Variants in TRIM24 observed in about 807,000 individuals in gnomAD.
TRIM24 encodes the protein tripartite motif containing 24.
TRIM24 carries 29 observed loss-of-function variants against 123.9 expected under a neutral mutation model. The observed-to-expected ratio is 0.23, with a 90% CI of 0.17 to 0.32. The LOEUF (loss-of-function observed/expected upper bound fraction) is 0.32. Ranked by LOEUF, TRIM24 falls within the 10% of genes least tolerant of loss-of-function variation. The pLI, the probability that TRIM24 is intolerant of heterozygous loss-of-function variation, is 1.00. For synonymous variants in TRIM24, 456 were observed against 461.1 expected (o/e 0.99, Z 0.14); for missense variants, 932 against 1,295.3 (o/e 0.72, Z 4.31).
At chr7:138,481,286 G>T (rs777209170) in intron 1 of TRIM24, among the ~76,000 whole-genome samples, 2 of 151,616 alleles carry the variant, frequency 1.3e-5, no homozygotes, top group Non-Finnish European at 2.9e-5. Flanking sequence ...TGATCTTGTT[G>T]TGTTGTCCAG....
In TRIM24 at chr7:138,504,532, C is replaced by T. The variant is rs542729714; in HGVS notation, c.483+124C>T. On this transcript the variant is annotated intron_variant, in intron 2 of 18. Coordinates refer to ENST00000343526, the MANE Select transcript of TRIM24 (RefSeq NM_015905.3). The stretch of plus-strand genomic sequence containing the variant: ...AGGAGTTCACAAGTGGCGCAATCTC[C>T]GTTCACTGCAAGCTCCTCCCCACAG... 42 of 546,536 alleles carry T rather than the reference C, an allele frequency of 7.7e-5. 1 individual carries two copies. In the South Asian group the frequency reaches 1.4e-3, roughly 19 times the overall value. 33.9% of individuals were successfully genotyped at this position (546,536 alleles called of 1,614,324 possible).
intron 1 of TRIM24, among the ~76,000 whole-genome samples, chr7:138,481,656 A>G (rs547308251): frequency 2.6e-4 from 39 of 151,956 alleles, no homozygotes; most frequent in Middle Eastern, 3.4e-3. Context: ...AAACAAACAA[A>G]CAAAACGAGC....
intron 10 of TRIM24, among the ~76,000 whole-genome samples, chr7:138,569,661 C>T (rs1797613101): frequency 6.6e-6 from 1 of 152,150 alleles, no homozygotes; most frequent in Non-Finnish European, 1.5e-5. Flanking sequence ...GTAAAGAAGA[C>T]ATTCATGTCC....
chr7:138,557,252 C>T (rs144296691), intron 9 of TRIM24, among the ~76,000 whole-genome samples: 533 of 152,298 alleles, frequency 3.5e-3, no homozygotes, highest in African/African-American at 0.012. Flanking sequence ...CAGCTAAGTA[C>T]AGGAAAACTT....
chr7:138,468,350 T>G (rs2116450288), intron 1 of TRIM24, among the ~76,000 whole-genome samples: 1 of 152,318 alleles, frequency 6.6e-6, no homozygotes, highest in South Asian at 2.1e-4. Context: ...CCTCACTTGG[T>G]TTTGCTACAG....
chr7:138,580,613 A>C lies in TRIM24; in HGVS notation c.2637A>C (p.Glu879Asp). Reference sequence around the variant, plus strand: ...GAGACTTATCTAAACCAGAAGTTGAATATGATTGTGATGCTCCCAGTCACA... The same window carrying C: ...GAGACTTATCTAAACCAGAAGTTGACTATGATTGTGATGCTCCCAGTCACA... Reference protein sequence around the residue: ...FCRDLSKPEVEYDCDAPSHNS... With the variant: ...FCRDLSKPEVDYDCDAPSHNS... The change falls in exon 16 of 19, where the codon GAA (glutamate) becomes GAC (aspartate). Residue 879 changes from glutamate (E) to aspartate (D), a missense_variant. By Grantham distance (45) the Glu-to-Asp change is conservative. This residue lies in a region of TRIM24 where 45 missense variants were observed against 56.6 expected (regional missense o/e 0.80). Coordinates refer to ENST00000343526, the MANE Select transcript of TRIM24 (RefSeq NM_015905.3). 2 of 1,613,936 alleles carry C rather than the reference A, an allele frequency of 1.2e-6. No homozygotes were observed. Among genetic ancestry groups the C allele is most frequent in the Non-Finnish European group, 1.7e-6 (2 of 1,179,906 alleles).
intron 5 of TRIM24, among the ~76,000 whole-genome samples, chr7:138,527,182 G>A (rs1796628218): frequency 6.6e-6 from 1 of 151,988 alleles, no homozygotes; most frequent in Admixed American, 6.6e-5. Context: ...CTCATTGCTA[G>A]TACTTCACTT....
At chr7:138,508,692 T>TGCGTGTGCGCGCGCGC (rs1796208058) in intron 2 of TRIM24, among the ~76,000 whole-genome samples, 2 of 137,214 alleles carry the variant, frequency 1.5e-5, no homozygotes, top group Non-Finnish European at 3.1e-5. Flanking sequence ...TGTGTGTGTG[T>TGCGTGTGCGCGCGCGC]GCGCGCGCGT....
At chr7:138,530,231 A>AC (rs1419818817) in intron 6 of TRIM24, among the ~76,000 whole-genome samples, 1 of 152,074 alleles carries the variant, frequency 6.6e-6, no homozygotes, top group African/African-American at 2.4e-5. Context: ...TGACTTTAAA[A>AC]AAAAAAAAAA....
intron 1 of TRIM24, among the ~76,000 whole-genome samples, chr7:138,480,086 TG>T (rs1795494981): frequency 6.6e-6 from 1 of 152,066 alleles, no homozygotes; most frequent in Admixed American, 6.6e-5. Context: ...CCCAAAGTGC[TG>T]GGATTACAGG....
chr7:138,519,337 G>GTT lies in TRIM24; in HGVS notation c.764+17_764+18dup, dbSNP rs781039211. 7 of 1,589,220 alleles carry GTT rather than the reference G, an allele frequency of 4.4e-6. No individual in the cohort carries two copies. The highest frequency in any genetic ancestry group is 4.5e-5 in the East Asian group (2 of 44,682). On this transcript the variant is annotated intron_variant, in intron 4 of 18. Transcript: ENST00000343526. ...AAGAGCATAGGTACCAGCATCTTTG[G>GTT]TTATATATATAGATTCATATGCAGC... is the stretch of plus-strand genomic sequence containing the variant.
At chr7:138,537,973 C>A (rs1796928969) in intron 6 of TRIM24, among the ~76,000 whole-genome samples, 1 of 152,136 alleles carries the variant, frequency 6.6e-6, no homozygotes, top group Admixed American at 6.5e-5. Context: ...TAAAATAACC[C>A]AAGTTCAGTG....
At chr7:138,463,989 CTTTTTTT>C (rs568562414) in intron 1 of TRIM24, among the ~76,000 whole-genome samples, 540 of 50,760 alleles carry the variant, frequency 0.011, 58 homozygotes, top group Non-Finnish European at 8.3e-3. Context: ...AAAATTTAGA[CTTTTTTT>C]TTTTTTTTTT....
chr7:138,556,380 A>G (rs1436995164), intron 9 of TRIM24: 2 of 152,238 alleles, frequency 1.3e-5, no homozygotes, highest in Non-Finnish European at 2.9e-5. Context: ...AATTTTTAAG[A>G]GAGAAGCAGT....
chr7:138,536,144 C>T (rs1415198890), intron 6 of TRIM24, among the ~76,000 whole-genome samples: 1 of 152,172 alleles, frequency 6.6e-6, no homozygotes, highest in Admixed American at 6.5e-5. Context: ...TTTTTAGCTT[C>T]TTTGCAATGG....
At chr7:138,517,084 G>A (rs375706876) in intron 3 of TRIM24, among the ~76,000 whole-genome samples, 18 of 150,024 alleles carry the variant, frequency 1.2e-4, no homozygotes, top group East Asian at 5.9e-4. Flanking sequence ...CCGTCTGCGC[G>A]ACAGTGTGAG....
intron 1 of TRIM24, among the ~76,000 whole-genome samples, chr7:138,489,143 CTG>C (rs940770188): frequency 8.5e-5 from 13 of 152,238 alleles, no homozygotes; most frequent in African/African-American, 3.1e-4. Context: ...GGTTTAAAGT[CTG>C]TTTTATCAGA....
At chr7:138,567,454 T>C (rs1437075043) in intron 9 of TRIM24, 27 bp from the exon 10 acceptor site, 1 of 1,585,686 alleles carries the variant, frequency 6.3e-7, no homozygotes, top group African/African-American at 1.4e-5. Flanking sequence ...AGATTGTTAC[T>C]AAATTGGTTT....
chr7:138,486,805 G>A (rs1484437504), intron 1 of TRIM24, among the ~76,000 whole-genome samples: 1 of 152,174 alleles, frequency 6.6e-6, no homozygotes, highest in Non-Finnish European at 1.5e-5. Flanking sequence ...GCTTAGGATT[G>A]TCTTGGCAAT....
Sources: allele counts gnomAD v4.1 joint callset (sites outside exome capture counted in the v4.1 genomes callset), GRCh38; gene constraint gnomAD v4.1.1; regional missense constraint gnomAD v4.1.1; transcripts MANE v1.5; gene names NCBI Gene and HGNC (gene_info 2026-07-23, HGNC 2026-07-21).